Variants in ATP11B observed in about 807,000 individuals in gnomAD.
ATP11B encodes ATPase phospholipid transporting 11B (putative).
A neutral mutation model predicts 157.8 loss-of-function variants in ATP11B; 81 were observed. The observed-to-expected ratio is 0.51, with a 90% confidence interval of 0.43 to 0.62. ATP11B has a LOEUF of 0.62. Among genes scored for constraint, ATP11B ranks in the 20% least tolerant of loss-of-function variants. The pLI, the probability that ATP11B is intolerant of heterozygous loss-of-function variation, is 0.00. For synonymous variants in ATP11B, 451 were observed against 469.4 expected (o/e 0.96, Z 0.51); for missense variants, 1,165 against 1,402.2 (o/e 0.83, Z 2.70).
intron 21 of ATP11B, among the ~76,000 whole-genome samples, chr3:182,884,095 T>TG (rs1722636726): frequency 3.3e-5 from 5 of 152,176 alleles, no homozygotes; most frequent in African/African-American, 1.2e-4. Flanking sequence ...TGAAAAATAA[T>TG]TTTTTTAAGT....
chr3:182,882,801 C>G (rs1449992843), intron 21 of ATP11B, among the ~76,000 whole-genome samples: 4 of 151,970 alleles, frequency 2.6e-5, no homozygotes. Flanking sequence ...TTGTAATAAT[C>G]CTGGTATACA....
intron 10 of ATP11B, among the ~76,000 whole-genome samples, chr3:182,850,879 T>TA (rs1037903020): frequency 7.0e-4 from 106 of 150,680 alleles, no homozygotes; most frequent in African/African-American, 2.3e-3. Flanking sequence ...TATACATACC[T>TA]AAAAAAAAAG....
intron 1 of ATP11B, among the ~76,000 whole-genome samples, chr3:182,810,261 G>A (rs1473160227): frequency 1.3e-5 from 2 of 152,056 alleles, no homozygotes; most frequent in African/African-American, 4.8e-5. Context: ...GAACCCAGGA[G>A]GTGGAGGTTG....
rs547738848 is a variant in ATP11B at position 182,921,522 on chromosome 3, T to A, written c.*3418T>A. 9.8e-5 allele frequency: 15 copies of A among 152,342 alleles called. 2 individuals are homozygous for A. In the South Asian group the frequency reaches 3.1e-3, roughly 32 times the overall value. 9.4% of individuals were successfully genotyped at this position (152,342 alleles called of 1,614,324 possible). A position where few individuals can be genotyped will look rare whatever the true frequency, so the allele number is the denominator to read the frequency against. On this transcript the variant is annotated 3_prime_UTR_variant, in exon 30 of 30. Coordinates refer to ENST00000323116, the MANE Select transcript of ATP11B (RefSeq NM_014616.3). ...ACTGTGGCTGTCTAATGTAATCCTT[T>A]AAAAATTCTCTGCATTGTCAGTAAA...
At chr3:182,870,002 A>T (rs117350980) in intron 17 of ATP11B, among the ~76,000 whole-genome samples, 1 of 152,134 alleles carries the variant, frequency 6.6e-6, no homozygotes, top group African/African-American at 2.4e-5. Context: ...GAGGCAGTCA[A>T]AAAAGGCCTT....
intron 29 of ATP11B, chr3:182,914,707 A>G (rs1380346737): frequency 6.1e-6 from 6 of 985,308 alleles, no homozygotes; most frequent in Non-Finnish European, 7.2e-6. Flanking sequence ...GTTGTGCACC[A>G]TAACGAAAAA....
intron 10 of ATP11B, among the ~76,000 whole-genome samples, chr3:182,856,728 A>G (rs1720437532): frequency 6.6e-6 from 1 of 152,186 alleles, no homozygotes; most frequent in Admixed American, 6.5e-5. Context: ...AGCAGAATAT[A>G]TAGAGTTTAC....
chr3:182,808,610 A>C (rs1164113985), intron 1 of ATP11B, among the ~76,000 whole-genome samples: 2 of 152,170 alleles, frequency 1.3e-5, no homozygotes, highest in African/African-American at 4.8e-5. Context: ...TTTCATGTAG[A>C]TTGAGATAAA....
intron 28 of ATP11B, chr3:182,902,460 C>G (rs1275228642): frequency 7.8e-7 from 1 of 1,277,010 alleles, no homozygotes; most frequent in African/African-American, 1.5e-5. Flanking sequence ...GTGTGTCCAT[C>G]CCTTTTCTGT....
At chr3:182,911,270 T>TTCCCC (rs1724764078) in intron 28 of ATP11B, among the ~76,000 whole-genome samples, 1 of 55,698 alleles carries the variant, frequency 1.8e-5, no homozygotes, top group Non-Finnish European at 2.7e-5. Context: ...GCTATTGAAA[T>TTCCCC]GCCCCCCCCC....
Position 182,865,695 on chromosome 3 carries a change from A to G in ATP11B, c.1440A>G (p.Glu480=). 1 of 1,603,186 alleles carries G rather than the reference A, an allele frequency of 6.2e-7. No homozygotes were observed. Among genetic ancestry groups the G allele is most frequent in the Non-Finnish European group, 8.5e-7 (1 of 1,175,388 alleles). ...GAACCAGTCCTGAAAATGAAACTGA[A>G]CTAGTAAGTAATTTTTAAATTAATA... ...SFRTSPENET[E]LIKEHDLFFK... The change falls in exon 13 of 30, where the codon GAA becomes GAG. Residue 480 remains glutamate, a synonymous_variant. Coordinates refer to ENST00000323116, the MANE Select transcript of ATP11B (RefSeq NM_014616.3).
chr3:182,879,903 T>C (rs1240100677), intron 20 of ATP11B, among the ~76,000 whole-genome samples: 1 of 152,214 alleles, frequency 6.6e-6, no homozygotes, highest in Non-Finnish European at 1.5e-5. Flanking sequence ...GAAATTAAAC[T>C]GTGATAACTA....
chr3:182,830,970 G>T (rs969425651), intron 4 of ATP11B, among the ~76,000 whole-genome samples: 1 of 152,022 alleles, frequency 6.6e-6, no homozygotes, highest in Non-Finnish European at 1.5e-5. Flanking sequence ...TAACATGTTT[G>T]TCCTTTGGAC....
In ATP11B at chr3:182,844,982, CTTTTTTTTTTTA is replaced by C. The variant is rs1414121439; in HGVS notation, c.705-454_705-443del. Among the ~76,000 whole-genome samples the C allele has an allele frequency of 2.7e-4, 28 of 101,964 alleles. 1 individual carries two copies. The highest frequency in any genetic ancestry group is 8.8e-4 in the African/African-American group (22 of 25,070). 66.9% of individuals were successfully genotyped at this position (101,964 alleles called of 152,430 possible). A position where few individuals can be genotyped will look rare whatever the true frequency, so the allele number is the denominator to read the frequency against. On this transcript the variant is annotated intron_variant, in intron 8 of 29. Transcript: ENST00000323116. ...TAACATCATGATTAGCCTAGGCAGCCTTTTTTTTTTTATTTTTTTTTTTATTTTTTTTTATTT... is the reference window on the plus strand; with the variant it reads ...TAACATCATGATTAGCCTAGGCAGCCTTTTTTTTTTTATTTTTTTTTATTT...
chr3:182,822,048 G>A (rs1422030625), intron 2 of ATP11B, among the ~76,000 whole-genome samples: 6 of 151,792 alleles, frequency 4.0e-5, no homozygotes, highest in Non-Finnish European at 8.8e-5. Flanking sequence ...AAAGCAGAAA[G>A]TAGGAAGAGG....
intron 1 of ATP11B, among the ~76,000 whole-genome samples, chr3:182,794,619 AG>A (rs1715484439): frequency 6.6e-6 from 1 of 152,190 alleles, no homozygotes; most frequent in African/African-American, 2.4e-5. Context: ...ATCTTAGAAA[AG>A]GGTCATTTAA....
chr3:182,810,570 CCTA>C (rs917344759), intron 1 of ATP11B, among the ~76,000 whole-genome samples: 10 of 152,080 alleles, frequency 6.6e-5, no homozygotes, highest in Non-Finnish European at 1.5e-4. Flanking sequence ...TTCCTCCCAC[CCTA>C]CTTTTTTCTA....
intron 10 of ATP11B, among the ~76,000 whole-genome samples, chr3:182,848,838 A>G (rs535437521): frequency 6.6e-6 from 1 of 152,330 alleles, no homozygotes; most frequent in African/African-American, 2.4e-5. Context: ...CTGAAAAAAA[A>G]ATTTAAATAA....
chr3:182,806,936 A>G (rs760259896), intron 1 of ATP11B, among the ~76,000 whole-genome samples: 17 of 152,106 alleles, frequency 1.1e-4, no homozygotes, highest in Non-Finnish European at 2.1e-4. Context: ...CTTATCCTAT[A>G]GGAGTTGAAC....
Sources: allele counts gnomAD v4.1 joint callset (sites outside exome capture counted in the v4.1 genomes callset), GRCh38; gene constraint gnomAD v4.1.1; transcripts MANE v1.5; gene names NCBI Gene and HGNC (gene_info 2026-07-23, HGNC 2026-07-21).